The following PFDN1 variants were observed in gnomAD, a reference collection of about 807,000 sequenced individuals.
The protein encoded by PFDN1 is prefoldin 1.
Under a neutral mutation model 17.3 loss-of-function variants are expected in PFDN1, and 6 were observed. That is an observed-to-expected ratio of 0.35 (90% CI 0.19 to 0.69). PFDN1 has a LOEUF of 0.69. Among genes scored for constraint, PFDN1 ranks in the 30% least tolerant of loss-of-function variants. The pLI is 0.65. For synonymous variants in PFDN1, 58 were observed against 50.1 expected (o/e 1.16, Z -0.67); for missense variants, 113 against 146.2 (o/e 0.77, Z 1.17).
At chr5:140,276,702 AC>A (rs547624778) in intron 3 of PFDN1, among the ~76,000 whole-genome samples, 128 of 145,252 alleles carry the variant, frequency 8.8e-4, no homozygotes, top group Admixed American at 8.7e-3. Flanking sequence ...AATTGTTCCA[AC>A]CCAGGAGGCA....
At chr5:140,302,627 T>C (rs530018517) in intron 1 of PFDN1, among the ~76,000 whole-genome samples, 10 of 152,010 alleles carry the variant, frequency 6.6e-5, no homozygotes, top group African/African-American at 1.7e-4. Flanking sequence ...AAAACAAAGG[T>C]TGGACTTGGA....
chr5:140,261,968 A>G (rs574461857), intron 3 of PFDN1, among the ~76,000 whole-genome samples: 19 of 151,880 alleles, frequency 1.3e-4, no homozygotes, highest in Middle Eastern at 3.4e-3. Flanking sequence ...CTTGTCCCCA[A>G]CTCCACACCC....
intron 3 of PFDN1, among the ~76,000 whole-genome samples, chr5:140,267,650 C>T (rs571517022): frequency 1.1e-4 from 16 of 149,400 alleles, no homozygotes; most frequent in Admixed American, 9.9e-4. Flanking sequence ...CTTAGAACCA[C>T]CTCCCGCTTA....
rs567180154 is a variant in PFDN1, at chr5:140,290,832, T to C, written c.201-9299A>G. 2.6e-5 allele frequency among the ~76,000 whole-genome samples: 4 copies of C among 152,262 alleles called. No homozygotes were observed. In the East Asian group the frequency reaches 7.7e-4, roughly 29 times the overall value. On this transcript the variant is annotated intron_variant, in intron 2 of 3. Coordinates refer to ENST00000261813, the MANE Select transcript of PFDN1 (RefSeq NM_002622.5). ...TTATAACTCAATAATGCTGATTCTT[T>C]AAGAAAGACATCTGATACCATAGAG... is the stretch of plus-strand genomic sequence containing the variant.
intron 3 of PFDN1, among the ~76,000 whole-genome samples, chr5:140,274,831 C>G (rs1765265395): frequency 6.6e-6 from 1 of 151,836 alleles, no homozygotes; most frequent in Non-Finnish European, 1.5e-5. Context: ...TGGTGAAACA[C>G]AGTCTCTACT....
At chr5:140,268,931 C>T (rs1765168887) in intron 3 of PFDN1, among the ~76,000 whole-genome samples, 1 of 152,194 alleles carries the variant, frequency 6.6e-6, no homozygotes, top group South Asian at 2.1e-4. Flanking sequence ...AAGGAGATGC[C>T]ATCACCTTGA....
intron 3 of PFDN1, among the ~76,000 whole-genome samples, chr5:140,268,427 C>T (rs774051854): frequency 6.6e-6 from 1 of 152,064 alleles, no homozygotes; most frequent in Non-Finnish European, 1.5e-5. Flanking sequence ...CAAGGTGGAC[C>T]GCTTGAGGCC....
At chr5:140,281,768 T>TA (rs1170253443) in intron 2 of PFDN1, 3 of 389,676 alleles carry the variant, frequency 7.7e-6, no homozygotes, top group Non-Finnish European at 1.4e-5. Context: ...CAGGGAACAG[T>TA]GGTGTGGGCC....
Position 140,303,034 on chromosome 5 carries a change from CTT to C in PFDN1, c.33+5_33+6del. Reference sequence around the variant, plus strand: ...AAGACCTCCGCCTGCCAAAGACCCTCTTTTACCTTCTTCAGCTCTAGATCCAC... The same window carrying C: ...AAGACCTCCGCCTGCCAAAGACCCTCTTACCTTCTTCAGCTCTAGATCCAC... On this transcript the variant is annotated splice_donor_5th_base_variant and intron_variant, in intron 1 of 3. Transcript: ENST00000261813. 6.2e-7 allele frequency: 1 copy of C among 1,607,442 alleles called. No individual in the cohort carries two copies. Among genetic ancestry groups the C allele is most frequent in the East Asian group, 2.2e-5 (1 of 44,866 alleles).
At chr5:140,258,225 C>G (rs1765015140) in intron 3 of PFDN1, among the ~76,000 whole-genome samples, 2 of 152,048 alleles carry the variant, frequency 1.3e-5, no homozygotes, top group Non-Finnish European at 2.9e-5. Flanking sequence ...TCAGCTGAAG[C>G]ATACAGAATG....
chr5:140,274,903 G>A (rs1232149979), intron 3 of PFDN1, among the ~76,000 whole-genome samples: 1 of 147,898 alleles, frequency 6.8e-6, no homozygotes, highest in Non-Finnish European at 1.5e-5. Flanking sequence ...TGAGGCAGGG[G>A]AATCACTTAA....
intron 3 of PFDN1, among the ~76,000 whole-genome samples, chr5:140,267,455 G>C (rs1483993933): frequency 6.6e-6 from 1 of 152,204 alleles, no homozygotes; most frequent in Non-Finnish European, 1.5e-5. Context: ...CCCAGGCTCT[G>C]GCTCCACACT....
intron 1 of PFDN1, 23 bp downstream of exon 1, chr5:140,303,018 G>T (rs576998657): frequency 6.3e-6 from 10 of 1,580,674 alleles, no homozygotes; most frequent in Non-Finnish European, 8.7e-6. Context: ...GAAGACCTCC[G>T]CCTGCCAAAG....
chr5:140,298,806 G>A (rs1463734183), intron 2 of PFDN1, among the ~76,000 whole-genome samples: 1 of 151,780 alleles, frequency 6.6e-6, no homozygotes, highest in Non-Finnish European at 1.5e-5. Context: ...CCAGGCTGGA[G>A]TGTAATGGCG....
chr5:140,266,758 C>A (rs1765138951), intron 3 of PFDN1, among the ~76,000 whole-genome samples: 1 of 152,252 alleles, frequency 6.6e-6, no homozygotes, highest in Non-Finnish European at 1.5e-5. Flanking sequence ...AAACTGTACA[C>A]AGCAAGGGAT....
At chr5:140,251,885 A>G (rs1378556371) in intron 3 of PFDN1, among the ~76,000 whole-genome samples, 5 of 151,742 alleles carry the variant, frequency 3.3e-5, no homozygotes, top group East Asian at 1.9e-4. Context: ...ACATGACACA[A>G]TCTCTCAAAT....
At chr5:140,290,543 A>G (rs1377926772) in intron 2 of PFDN1, among the ~76,000 whole-genome samples, 1 of 152,242 alleles carries the variant, frequency 6.6e-6, no homozygotes. Context: ...ACACTCAGTG[A>G]AAGTACATAC....
chr5:140,275,421 A>C (rs1255642238), intron 3 of PFDN1, among the ~76,000 whole-genome samples: 1 of 151,888 alleles, frequency 6.6e-6, no homozygotes, highest in African/African-American at 2.4e-5. Context: ...AAAAAAAAAA[A>C]AAAGACAGTG....
chr5:140,259,241 T>A (rs1765030230), intron 3 of PFDN1, among the ~76,000 whole-genome samples: 1 of 152,140 alleles, frequency 6.6e-6, no homozygotes, highest in Non-Finnish European at 1.5e-5. Context: ...TGACCCTAAC[T>A]CCATGAAGGA....
Sources: allele counts gnomAD v4.1 joint callset (sites outside exome capture counted in the v4.1 genomes callset), GRCh38; gene constraint gnomAD v4.1.1; transcripts MANE v1.5; gene names NCBI Gene and HGNC (gene_info 2026-07-23, HGNC 2026-07-21).